Variants in CFAP74 observed in about 807,000 individuals in gnomAD.
CFAP74 encodes the protein cilia and flagella associated protein 74.
Under a neutral mutation model 188.9 loss-of-function variants are expected in CFAP74, and 124 were observed. That is an observed-to-expected ratio of 0.66 (90% confidence interval 0.57 to 0.76). The LOEUF is 0.76. Among genes scored for constraint, CFAP74 ranks in the 30% least tolerant of loss-of-function variants. The pLI is 0.00. For missense variants in CFAP74, 2,198 were observed against 2,165.2 expected (o/e 1.02, Z -0.30); for synonymous variants, 956 against 916.7 (o/e 1.04, Z -0.77).
At chr1:1,955,337 AGCCACAGCT>A (rs1010757433) in intron 18 of CFAP74, 3 of 1,211,664 alleles carry the variant, frequency 2.5e-6, no homozygotes, top group Non-Finnish European at 3.3e-6. Context: ...GTCTAACAAC[AGCCACAGCT>A]GCAGAGCTAG....
chr1:1,970,783 C>A lies in CFAP74; in HGVS notation c.922G>T (p.Ala308Ser), dbSNP rs1400301817. Reference sequence around the variant, plus strand: ...CTCTGCTCCGCCAGCTCTGCCTTGGCACGGTCCCATGCTTGGAACTTCCGC... The same window carrying A: ...CTCTGCTCCGCCAGCTCTGCCTTGGAACGGTCCCATGCTTGGAACTTCCGC... ...TLRKFQAWDRAKAELAEQRVQ... is the reference protein window; with the variant it reads ...TLRKFQAWDRSKAELAEQRVQ... Residue 308 changes from alanine (A) to serine (S), a missense_variant, in exon 10 of 39, where the codon GCC (alanine) becomes TCC (serine). Physicochemically the swap from Ala to Ser is moderately conservative, Grantham distance 99. Transcript: ENST00000682832. The A allele has an allele frequency of 1.9e-6, 3 of 1,614,182 alleles. No homozygotes were observed. The Admixed American group carries it at 5.0e-5, about 27-fold the overall frequency.
intron 25 of CFAP74, among the ~76,000 whole-genome samples, chr1:1,934,134 C>T (rs575073095): frequency 6.6e-5 from 10 of 152,330 alleles, no homozygotes; most frequent in South Asian, 2.1e-4. Flanking sequence ...CAAAGTCCTG[C>T]GGCCTGAGAA....
At chr1:1,959,325 C>T (rs563244498) in intron 15 of CFAP74, 116 bp from the exon 16 acceptor site, 50 of 665,474 alleles carry the variant, frequency 7.5e-5, no homozygotes, top group Admixed American at 2.0e-4. Flanking sequence ...GGCACCTGCT[C>T]GATTCACTGC....
chr1:1,950,942 C>T (rs77070454), intron 18 of CFAP74, among the ~76,000 whole-genome samples: 21 of 152,092 alleles, frequency 1.4e-4, no homozygotes, highest in Admixed American at 2.0e-4. Context: ...TATTTTTAGG[C>T]TTAACTTTTA....
intron 25 of CFAP74, among the ~76,000 whole-genome samples, chr1:1,937,895 C>T (rs2748971): frequency 0.4 from 61,024 of 150,718 alleles, 14,027 homozygotes; most frequent in Admixed American, 0.53. Context: ...GAGGGGTGCC[C>T]TGCACAGCAT....
chr1:1,964,976 C>T lies in CFAP74; in HGVS notation c.1487G>A (p.Arg496Gln), dbSNP rs769975449. ...DILERTVERL[R>Q]SRVVHKQVVW... ...CACCTGCTTGTGGACCACCCTGCTCCGCAGCCGCTCCACCGTGCGCTCCAG... is the reference window on the plus strand; with the variant it reads ...CACCTGCTTGTGGACCACCCTGCTCTGCAGCCGCTCCACCGTGCGCTCCAG... The change falls in exon 13 of 39, where the codon CGG becomes CAG. Residue 496 changes from arginine to glutamine, a missense_variant. Coordinates refer to ENST00000682832, the MANE Select transcript of CFAP74 (RefSeq NM_001304360.2). 27 of 1,613,832 alleles carry T rather than the reference C, an allele frequency of 1.7e-5. No homozygotes were observed. The highest frequency in any genetic ancestry group is 4.5e-5 in the East Asian group (2 of 44,888).
intron 6 of CFAP74, 91 bp downstream of exon 6, chr1:1,985,295 C>A: frequency 9.0e-7 from 1 of 1,115,588 alleles, no homozygotes; most frequent in South Asian, 1.3e-5. Context: ...GGTGCAAAAC[C>A]CCCCAGATCT....
Position 1,938,868 on chromosome 1 carries a change from A to T in CFAP74, c.2998T>A (p.Ser1000Thr). Residue 1000 changes from serine to threonine, a missense_variant, in exon 25 of 39, where the codon TCT (serine) becomes ACT (threonine). By Grantham distance (58) the Ser-to-Thr change is moderately conservative (BLOSUM62 1). Coordinates refer to ENST00000682832, the MANE Select transcript of CFAP74 (RefSeq NM_001304360.2). ...EEHRFQLTCKSEINRCFKLSC... is the reference protein window; with the variant it reads ...EEHRFQLTCKTEINRCFKLSC... ...TGGCAGGCTCACCGGTTGATCTCAGACTTGCAGGTCAGTTGGAATCTGTGT... is the reference window on the plus strand; with the variant it reads ...TGGCAGGCTCACCGGTTGATCTCAGTCTTGCAGGTCAGTTGGAATCTGTGT... 6.5e-7 allele frequency: 1 copy of T among 1,536,140 alleles called. No homozygotes were observed.
In CFAP74 at chr1:1,935,131, ACGTGTGTACGTG is replaced by A. The variant is rs1232667816; in HGVS notation, c.3011+3712_3011+3723del. Among the ~76,000 whole-genome samples, 9 of 85,694 alleles carry A rather than the reference ACGTGTGTACGTG, an allele frequency of 1.1e-4. 2 individuals carry two copies. Among genetic ancestry groups the A allele is most frequent in the Non-Finnish European group, 1.7e-4 (7 of 41,198 alleles). The allele number at this position is 85,694 out of a possible 152,430, so 56.2% of individuals were successfully genotyped here. A position where few individuals can be genotyped will look rare whatever the true frequency, so the allele number is the denominator to read the frequency against. The stretch of plus-strand genomic sequence containing the variant: ...CGTGGGTGTTAGGTTGTAGGTACAC[ACGTGTGTACGTG>A]GGTGTTAGGTTGTAGGTACACACGT... On this transcript the variant is annotated intron_variant, in intron 25 of 38. Coordinates refer to ENST00000682832, the MANE Select transcript of CFAP74 (RefSeq NM_001304360.2).
At chr1:1,934,848 T>C (rs1652741945) in intron 25 of CFAP74, among the ~76,000 whole-genome samples, 1 of 149,082 alleles carries the variant, frequency 6.7e-6, no homozygotes, top group Admixed American at 6.6e-5. Context: ...TACGTGGGTG[T>C]TAGGTTGTAG....
chr1:1,981,473 C>T (rs867941161), intron 6 of CFAP74, among the ~76,000 whole-genome samples: 28 of 135,106 alleles, frequency 2.1e-4, no homozygotes, highest in Non-Finnish European at 3.0e-4. Context: ...CACCCAGCCG[C>T]GGTCACACGC....
intron 9 of CFAP74, 100 bp from the exon 10 acceptor site, chr1:1,970,916 C>CCT: frequency 1.6e-6 from 2 of 1,287,588 alleles, no homozygotes. Context: ...TACATGCACA[C>CCT]GTGCACACAC....
At chr1:1,965,622 G>A (rs534252353) in intron 12 of CFAP74, among the ~76,000 whole-genome samples, 2 of 152,004 alleles carry the variant, frequency 1.3e-5, no homozygotes, top group African/African-American at 2.4e-5. Context: ...GCCCATGCCC[G>A]GCAGCCGGGC....
chr1:1,977,487 C>T (rs1656524694), intron 6 of CFAP74, among the ~76,000 whole-genome samples: 1 of 152,204 alleles, frequency 6.6e-6, no homozygotes, highest in African/African-American at 2.4e-5. Flanking sequence ...CCCTTGCCAT[C>T]CTCTCTGGCC....
intron 30 of CFAP74, 53 bp downstream of exon 30, chr1:1,926,599 G>A (rs1028200753): frequency 8.8e-5 from 136 of 1,544,898 alleles, no homozygotes; most frequent in African/African-American, 5.9e-4. Flanking sequence ...TGGGGGAGGC[G>A]TGGGTGTGCC....
At position 1,951,738 on chromosome 1, in the gene CFAP74, T is replaced by C. The variant is rs1654214498; in HGVS notation, c.2176+3953A>G. 3.3e-5 allele frequency among the ~76,000 whole-genome samples: 5 copies of C among 152,228 alleles called. No homozygotes were observed. In the South Asian group the frequency reaches 8.3e-4, roughly 25 times the overall value. On this transcript the variant is annotated intron_variant, in intron 18 of 38. Coordinates refer to ENST00000682832, the MANE Select transcript of CFAP74 (RefSeq NM_001304360.2). ...AGTTAGTTCTGGGATATTCACATTTTAGTGAAGTGTTCCAATGGTTAGTTC... is the reference window on the plus strand; with the variant it reads ...AGTTAGTTCTGGGATATTCACATTTCAGTGAAGTGTTCCAATGGTTAGTTC...
At chr1:1,957,059 G>T (rs1251485007) in intron 16 of CFAP74, among the ~76,000 whole-genome samples, 1 of 152,256 alleles carries the variant, frequency 6.6e-6, no homozygotes, top group African/African-American at 2.4e-5. Flanking sequence ...CGGATGCAGG[G>T]CCTAAACAAG....
In CFAP74 at chr1:1,942,956, G is replaced by C. The variant is rs1205801859; in HGVS notation, c.2487-800C>G. On this transcript the variant is annotated intron_variant, in intron 21 of 38. Coordinates refer to ENST00000682832, the MANE Select transcript of CFAP74 (RefSeq NM_001304360.2). The surrounding 1 kb of genome is among the most constrained non-coding windows in gnomAD (Gnocchi z 4.3). The stretch of plus-strand genomic sequence containing the variant: ...CTCCGTCCATCACAGACCTGCCTCT[G>C]ACCTCTGACCACTACCCAGAGGCCA... 6.6e-6 allele frequency among the ~76,000 whole-genome samples: 1 copy of C among 152,194 alleles called. No homozygotes were observed. The highest frequency in any genetic ancestry group is 1.9e-4 in the East Asian group (1 of 5,182).
At chr1:2,000,907 G>A (rs1658173764) in intron 1 of CFAP74, among the ~76,000 whole-genome samples, 1 of 152,102 alleles carries the variant, frequency 6.6e-6, no homozygotes, top group South Asian at 2.1e-4. Flanking sequence ...GCACAACCCC[G>A]AGGAGAAAAA....
Sources: gnomAD v4.1 joint callset for allele counts (sites outside exome capture counted in the v4.1 genomes callset) on GRCh38, gnomAD v4.1.1 for gene constraint, Gnocchi (gnomAD v3.1) non-coding constraint, MANE v1.5 for transcripts, NCBI Gene and HGNC (gene_info 2026-07-23, HGNC 2026-07-21) for gene names.